TRIM4: variants seen among roughly 807,000 people sequenced by gnomAD.
TRIM4 encodes E3 ubiquitin-protein ligase TRIM4.
A neutral mutation model predicts 33.7 loss-of-function variants in TRIM4; 29 were observed. That is an observed-to-expected ratio of 0.86 (90% confidence interval 0.64 to 1.17). The LOEUF is 1.17. Ranked by LOEUF, TRIM4 falls within the 50% of genes most tolerant of loss-of-function variation. TRIM4 has a pLI of 0.00. For missense variants in TRIM4, 554 were observed against 593.7 expected, an observed-to-expected ratio of 0.93 and a Z score of 0.69; for synonymous variants, 224 against 233.0, an observed-to-expected ratio of 0.96 and a Z score of 0.35.
Position 99,908,715 on chromosome 7 carries a change from T to C in TRIM4, c.587A>G (p.Asn196Ser), listed in dbSNP as rs764394942. The C allele has an allele frequency of 2.5e-5, 40 of 1,614,104 alleles. No individual in the cohort carries two copies. The highest frequency in any genetic ancestry group is 3.2e-5 in the Non-Finnish European group (38 of 1,180,042). Reference sequence around the variant, plus strand: ...CTTCTTCGTCTCTTCTTCTTCTTTGTTCAATCTCTGAAGAAACAGGTCCTC... The same window carrying C: ...CTTCTTCGTCTCTTCTTCTTCTTTGCTCAATCTCTGAAGAAACAGGTCCTC... ...EEEDLFLQRL[N>S]KEEEETKKKL... The change falls in exon 3 of 6, where the codon AAC becomes AGC. Residue 196 changes from asparagine to serine, a missense_variant. Physicochemically the swap from Asn to Ser is conservative, Grantham distance 46. Transcript: ENST00000349062.
rs1421787260 is a variant in TRIM4 at position 99,896,619 on chromosome 7, G to C, written c.842-3873C>G. On this transcript the variant is annotated intron_variant, in intron 5 of 5. Transcript: ENST00000349062. ...AGTGCCATCCGTACTGAAATCAATA[G>C]GGGTCTAGCACAACAATTAGCCCAG... Among the ~76,000 whole-genome samples the C allele has an allele frequency of 3.3e-5, 5 of 152,166 alleles. No homozygotes were observed. The East Asian group carries it at 5.8e-4, about 18-fold the overall frequency.
Position 99,892,247 on chromosome 7 carries a change from A to C in TRIM4, c.1341T>G (p.Cys447Trp). Reference sequence around the variant, plus strand: ...ATGGCCGGAGGCGTGAGACAGAAGAACAAGAAAAGGTGTGCAGGTGCACTC... The same window carrying C: ...ATGGCCGGAGGCGTGAGACAGAAGACCAAGAAAAGGTGTGCAGGTGCACTC... ...VDGVHLHTFS[C>W]SSVSRLRPFF... Residue 447 changes from cysteine to tryptophan, a missense_variant, in exon 6 of 6, where the codon TGT (cysteine) becomes TGG (tryptophan). This residue lies in a region of TRIM4 where 290 missense variants were observed against 335.8 expected (regional missense o/e 0.86). Transcript: ENST00000349062. 1 of 1,614,208 alleles carries C rather than the reference A, an allele frequency of 6.2e-7. No individual in the cohort carries two copies. Among genetic ancestry groups the C allele is most frequent in the Non-Finnish European group, 8.5e-7 (1 of 1,180,040 alleles).
At chr7:99,903,492 G>T in intron 4 of TRIM4, 84 bp downstream of exon 4, 1 of 1,564,104 alleles carries the variant, frequency 6.4e-7, no homozygotes, top group East Asian at 2.2e-5. Flanking sequence ...ACTGACCTAT[G>T]GATCCTAGGC....
In TRIM4 at chr7:99,894,538, G is replaced by A. The variant is rs188272733; in HGVS notation, c.842-1792C>T. 1.8e-4 allele frequency among the ~76,000 whole-genome samples: 28 copies of A among 152,028 alleles called. No homozygotes were observed. The East Asian group carries it at 4.6e-3, about 25-fold the overall frequency. On this transcript the variant is annotated intron_variant, in intron 5 of 5. Coordinates refer to ENST00000349062, the MANE Select transcript of TRIM4 (RefSeq NM_033091.3). ...AAAAATTAGCCAGGCATGGTGGCGC[G>A]CACCTGCAGTCCCAGCTACTTGGGA...
chr7:99,913,091 T>C (rs762807748), intron 1 of TRIM4, among the ~76,000 whole-genome samples: 37 of 152,328 alleles, frequency 2.4e-4, no homozygotes, highest in Admixed American at 4.6e-4. Context: ...CTTTGCTTGA[T>C]AATGAAAAAT....
chr7:99,911,871 C>G (rs1382136018), intron 1 of TRIM4, among the ~76,000 whole-genome samples: 1 of 152,166 alleles, frequency 6.6e-6, no homozygotes, highest in Non-Finnish European at 1.5e-5. Flanking sequence ...TAGCTAGAAG[C>G]TGGAAACAGT....
intron 1 of TRIM4, among the ~76,000 whole-genome samples, chr7:99,915,013 T>C (rs1218011390): frequency 3.3e-5 from 5 of 152,152 alleles, no homozygotes; most frequent in African/African-American, 1.2e-4. Flanking sequence ...TTTCACCATG[T>C]TGGCCAGGCT....
chr7:99,895,399 C>T (rs1232385977), intron 5 of TRIM4, among the ~76,000 whole-genome samples: 1 of 152,004 alleles, frequency 6.6e-6, no homozygotes, highest in African/African-American at 2.4e-5. Context: ...CTATCAATTC[C>T]ATTGTGATCA....
At chr7:99,910,366 T>G (rs1218859986) in intron 1 of TRIM4, among the ~76,000 whole-genome samples, 1 of 152,192 alleles carries the variant, frequency 6.6e-6, no homozygotes, top group Non-Finnish European at 1.5e-5. Flanking sequence ...ATAACCAATA[T>G]GTAAAGAAAT....
intron 5 of TRIM4, among the ~76,000 whole-genome samples, chr7:99,902,571 T>C (rs1247771710): frequency 6.6e-6 from 1 of 152,140 alleles, no homozygotes; most frequent in Non-Finnish European, 1.5e-5. Context: ...TAATCAAACA[T>C]GTGCACATAA....
chr7:99,907,686 TA>T (rs1819339528), intron 3 of TRIM4, among the ~76,000 whole-genome samples: 1 of 152,248 alleles, frequency 6.6e-6, no homozygotes, highest in Non-Finnish European at 1.5e-5. Context: ...ATCTATCATA[TA>T]AAACCTAGCT....
intron 3 of TRIM4, among the ~76,000 whole-genome samples, chr7:99,906,435 T>C (rs947738057): frequency 6.6e-6 from 1 of 152,004 alleles, no homozygotes; most frequent in Non-Finnish European, 1.5e-5. Flanking sequence ...CAAGAGATCC[T>C]CCCATCTCAG....
At chr7:99,893,189 C>T (rs571304890) in intron 5 of TRIM4, among the ~76,000 whole-genome samples, 33 of 152,278 alleles carry the variant, frequency 2.2e-4, no homozygotes, top group Admixed American at 3.9e-4. Context: ...ATCACTTAAA[C>T]CCAGAAGGCG....
At chr7:99,905,105 C>G (rs1563086024) in intron 3 of TRIM4, among the ~76,000 whole-genome samples, 1 of 151,234 alleles carries the variant, frequency 6.6e-6, no homozygotes, top group African/African-American at 2.4e-5. Flanking sequence ...ATATATATAT[C>G]CATATACCTT....
At chr7:99,902,339 C>T (rs897049544) in intron 5 of TRIM4, among the ~76,000 whole-genome samples, 39 of 152,206 alleles carry the variant, frequency 2.6e-4, no homozygotes, top group African/African-American at 8.2e-4. Context: ...CCTCCACCTC[C>T]CAGGTTCAAG....
chr7:99,897,657 T>C (rs937294247), intron 5 of TRIM4, among the ~76,000 whole-genome samples: 2 of 152,174 alleles, frequency 1.3e-5, no homozygotes, highest in African/African-American at 4.8e-5. Flanking sequence ...GTCACACCTA[T>C]TTTACATCCT....
chr7:99,908,474 A>G, intron 3 of TRIM4, 108 bp downstream of exon 3: 1 of 856,210 alleles, frequency 1.2e-6, no homozygotes, highest in Non-Finnish European at 1.8e-6. Context: ...CTAGCAAGAG[A>G]TAAGACATGT....
chr7:99,912,668 TG>T (rs1421989339), intron 1 of TRIM4, among the ~76,000 whole-genome samples: 2 of 152,200 alleles, frequency 1.3e-5, no homozygotes, highest in African/African-American at 4.8e-5. Context: ...TACAGACAAA[TG>T]GACAGCTATG....
In TRIM4 at chr7:99,891,068, G is replaced by GT. The variant is rs1818882847; in HGVS notation, c.*1094dup. ...TCATTATCTTAAAAATAACTATCCA[G>GT]TAACTGCCACAATCTCCTGAGTCCA... On this transcript the variant is annotated 3_prime_UTR_variant, in exon 6 of 6. Transcript: ENST00000349062. The GT allele has an allele frequency of 6.6e-6, 1 of 152,136 alleles. No individual in the cohort carries two copies. The highest frequency in any genetic ancestry group is 2.4e-5 in the African/African-American group (1 of 41,424). 9.4% of individuals were successfully genotyped at this position (152,136 alleles called of 1,614,324 possible).
Sources: gnomAD v4.1 joint callset for allele counts (sites outside exome capture counted in the v4.1 genomes callset) on GRCh38, gnomAD v4.1.1 for gene constraint, gnomAD v4.1.1 regional missense constraint, MANE v1.5 for transcripts, NCBI Gene and HGNC (gene_info 2026-07-23, HGNC 2026-07-21) for gene names.